TOX3: variants seen among roughly 807,000 people sequenced by gnomAD.
The protein encoded by TOX3 is CAG trinucleotide repeat-containing gene F9 protein.
TOX3 carries 22 observed loss-of-function variants against 64.3 expected under a neutral mutation model. The observed-to-expected ratio is 0.34, with a 90% CI of 0.24 to 0.49. TOX3 has a LOEUF of 0.49. Ranked by LOEUF, TOX3 falls within the 20% of genes least tolerant of loss-of-function variation. The pLI, the probability that TOX3 is intolerant of heterozygous loss-of-function variation, is 0.99. For missense variants in TOX3, 661 were observed against 714.4 expected (o/e 0.93, Z 0.85); for synonymous variants, 291 against 273.6 (o/e 1.06, Z -0.63).
chr16:52,500,848 A>G (rs1381626277), intron 1 of TOX3, among the ~76,000 whole-genome samples: 3 of 152,200 alleles, frequency 2.0e-5, no homozygotes, highest in Non-Finnish European at 4.4e-5. Context: ...CTAAGTCAGT[A>G]AAATATGCTA....
chr16:52,547,461 C>T (rs968323317), upstream of TOX3: 7 of 152,558 alleles, frequency 4.6e-5, no homozygotes, highest in African/African-American at 1.7e-4. Flanking sequence ...GACGCCAGCC[C>T]TGCGTCCCGT....
intron 1 of TOX3, among the ~76,000 whole-genome samples, chr16:52,520,410 G>T (rs185395590): frequency 6.6e-6 from 1 of 152,256 alleles, no homozygotes; most frequent in African/African-American, 2.4e-5. Flanking sequence ...ACAAGCAAAA[G>T]CTGGGAAGCC....
At chr16:52,441,452 C>A (rs986220292) in intron 6 of TOX3, among the ~76,000 whole-genome samples, 2 of 152,144 alleles carry the variant, frequency 1.3e-5, no homozygotes, top group South Asian at 4.1e-4. Context: ...AGATCTAGGG[C>A]TGAACATAGA....
chr16:52,539,944 T>C (rs1345919908), intron 1 of TOX3, among the ~76,000 whole-genome samples: 1 of 152,096 alleles, frequency 6.6e-6, no homozygotes, highest in Admixed American at 6.5e-5. Flanking sequence ...TTGATTCAAA[T>C]CCTTCCCATA....
intron 1 of TOX3, among the ~76,000 whole-genome samples, chr16:52,472,977 G>A (rs1961090800): frequency 6.6e-6 from 1 of 152,172 alleles, no homozygotes; most frequent in Non-Finnish European, 1.5e-5. Context: ...CTTGGAGGTA[G>A]ATTTGCTTTT....
chr16:52,442,399 C>T (rs934439811), intron 6 of TOX3, among the ~76,000 whole-genome samples: 1 of 152,138 alleles, frequency 6.6e-6, no homozygotes, highest in African/African-American at 2.4e-5. Flanking sequence ...GCACAAAGAT[C>T]GACTTCATTT....
At chr16:52,530,035 T>C (rs1193282298) in intron 1 of TOX3, among the ~76,000 whole-genome samples, 3 of 152,242 alleles carry the variant, frequency 2.0e-5, no homozygotes, top group Non-Finnish European at 2.9e-5. Flanking sequence ...AATTAGGTTA[T>C]CTGGATGAAC....
At chr16:52,517,184 G>A (rs568431356) in intron 1 of TOX3, among the ~76,000 whole-genome samples, 1 of 152,180 alleles carries the variant, frequency 6.6e-6, no homozygotes, top group South Asian at 2.1e-4. Flanking sequence ...ACATTCAATC[G>A]AATTTAAGAA....
In TOX3 at chr16:52,468,291, G is replaced by A. The variant is rs74832653; in HGVS notation, c.153+218C>T. The stretch of plus-strand genomic sequence containing the variant: ...GCATTATTTTTTAATCAAAAGATTC[G>A]TATGAAGTTACTAACATTAGTAACA... On this transcript the variant is annotated intron_variant, in intron 2 of 6. Coordinates refer to ENST00000219746, the MANE Select transcript of TOX3 (RefSeq NM_001080430.4). 7.5e-4 allele frequency among the ~76,000 whole-genome samples: 114 copies of A among 152,056 alleles called. No individual in the cohort carries two copies. In the East Asian group the frequency reaches 0.016, roughly 22 times the overall value.
At chr16:52,485,846 T>A (rs184652161) in intron 1 of TOX3, among the ~76,000 whole-genome samples, 1 of 152,004 alleles carries the variant, frequency 6.6e-6, no homozygotes, top group Non-Finnish European at 1.5e-5. Flanking sequence ...TTTGGAGTGT[T>A]TTCCCTGGAC....
chr16:52,525,981 T>C (rs1465451909), intron 1 of TOX3, among the ~76,000 whole-genome samples: 4 of 152,210 alleles, frequency 2.6e-5, no homozygotes, highest in Non-Finnish European at 5.9e-5. Flanking sequence ...GTTCAGGAAC[T>C]GCCCATGTTG....
At chr16:52,483,542 C>A (rs1240164469) in intron 1 of TOX3, among the ~76,000 whole-genome samples, 2 of 149,006 alleles carry the variant, frequency 1.3e-5, no homozygotes, top group Non-Finnish European at 3.0e-5. Flanking sequence ...AAGTTGCTTC[C>A]TCTATTAGAC....
chr16:52,447,003 A>G (rs749983276), intron 4 of TOX3, among the ~76,000 whole-genome samples: 2 of 152,196 alleles, frequency 1.3e-5, no homozygotes, highest in African/African-American at 4.8e-5. Flanking sequence ...CCTGCTCACA[A>G]GAATACTCCA....
chr16:52,484,443 T>C (rs754839064), intron 1 of TOX3, among the ~76,000 whole-genome samples: 1 of 152,170 alleles, frequency 6.6e-6, no homozygotes, highest in Non-Finnish European at 1.5e-5. Context: ...AAAAAAAGTA[T>C]ATATTTATTT....
intron 4 of TOX3, among the ~76,000 whole-genome samples, chr16:52,446,578 A>G (rs1242320179): frequency 6.6e-6 from 1 of 152,254 alleles, no homozygotes; most frequent in Non-Finnish European, 1.5e-5. Flanking sequence ...AGGTTTTAGA[A>G]GTAAAACCTA....
At chr16:52,454,065 T>A (rs1031204165) in intron 3 of TOX3, among the ~76,000 whole-genome samples, 1 of 152,174 alleles carries the variant, frequency 6.6e-6, no homozygotes, top group Non-Finnish European at 1.5e-5. Flanking sequence ...AGCTAGTGAA[T>A]GCTTGACAGA....
At chr16:52,497,589 T>C (rs1462895028) in intron 1 of TOX3, among the ~76,000 whole-genome samples, 5 of 152,202 alleles carry the variant, frequency 3.3e-5, no homozygotes, top group Non-Finnish European at 5.9e-5. Flanking sequence ...ATTAACAGTA[T>C]GACTGTACCA....
At chr16:52,452,901 G>A (rs4784214) in intron 3 of TOX3, among the ~76,000 whole-genome samples, 53,411 of 151,976 alleles carry the variant, frequency 0.35, 11,339 homozygotes, top group Middle Eastern at 0.5. Context: ...TTATATCACC[G>A]GCAGTGTTCT....
rs752742451 is a variant in TOX3 at position 52,439,636 on chromosome 16, C to G, written c.1320G>C (p.Gln440His). 12 of 1,613,510 alleles carry G rather than the reference C, an allele frequency of 7.4e-6. No individual in the cohort carries two copies. In the Admixed American group the frequency reaches 1.7e-4, roughly 22 times the overall value. The change falls in exon 7 of 7, where the codon CAG becomes CAC. Residue 440 changes from glutamine (Q) to histidine (H), a missense_variant. This residue lies in a region of TOX3 where 299 missense variants were observed against 292.1 expected (regional missense o/e 1.02). Coordinates refer to ENST00000219746, the MANE Select transcript of TOX3 (RefSeq NM_001080430.4). Reference protein sequence around the residue: ...TQVSPSVQTQQHQMQLQQQQQ... With the variant: ...TQVSPSVQTQHHQMQLQQQQQ... ...GCTGCTGCTGCAATTGCATCTGATG[C>G]TGCTGGGTTTGCACCGAAGGACTCA...
Sources: gnomAD v4.1 joint callset for allele counts (sites outside exome capture counted in the v4.1 genomes callset) on GRCh38, gnomAD v4.1.1 for gene constraint, gnomAD v4.1.1 regional missense constraint, MANE v1.5 for transcripts, NCBI Gene and HGNC (gene_info 2026-07-23, HGNC 2026-07-21) for gene names.